Variants in SUCLG2 observed in about 807,000 individuals in gnomAD.
SUCLG2 encodes succinate-CoA ligase GDP-forming subunit beta.
In SUCLG2, 42 loss-of-function variants were observed where a neutral mutation model predicts 47.9. The observed-to-expected ratio is 0.88, with a 90% CI of 0.69 to 1.14. The LOEUF is 1.14. SUCLG2 is among the 50% of genes most tolerant of loss of function. SUCLG2 has a pLI of 0.00. For missense variants in SUCLG2, 571 were observed against 525.9 expected (o/e 1.09, Z -0.84); for synonymous variants, 195 against 197.3 (o/e 0.99, Z 0.10).
rs571116816 is a variant in SUCLG2 at position 67,570,143 on chromosome 3, G to A, written c.226+39312C>T. ...GGACACAGCAAGGAGGTAATCATCT[G>A]CAAGTCAAGAAGAAAGGCCTCAGAA... On this transcript the variant is annotated intron_variant, in intron 2 of 10. Transcript: ENST00000307227. Among the ~76,000 whole-genome samples the A allele has an allele frequency of 2.0e-5, 3 of 152,316 alleles. No homozygotes were observed. The South Asian group carries it at 6.2e-4, about 32-fold the overall frequency.
intron 9 of SUCLG2, among the ~76,000 whole-genome samples, chr3:67,426,395 C>T (rs1703302295): frequency 6.6e-6 from 1 of 152,102 alleles, no homozygotes; most frequent in East Asian, 1.9e-4. Flanking sequence ...TCTGCACAAA[C>T]AATTAAAACT....
chr3:67,559,891 G>A (rs1276700751), intron 2 of SUCLG2, among the ~76,000 whole-genome samples: 2 of 150,958 alleles, frequency 1.3e-5, no homozygotes, highest in African/African-American at 2.4e-5. Flanking sequence ...CTGATGATGT[G>A]TCAATGTAGG....
rs114263782 is a variant in SUCLG2 at position 67,383,966 on chromosome 3, T to G, written c.1184-8107A>C. Reference sequence around the variant, plus strand: ...TTACCTTTCATGCTTTCCTTGAATCTTCCTCCTAGCTTTCAAGCCATGCAT... The same window carrying G: ...TTACCTTTCATGCTTTCCTTGAATCGTCCTCCTAGCTTTCAAGCCATGCAT... On this transcript the variant is annotated intron_variant, in intron 10 of 10. Coordinates refer to ENST00000307227, the MANE Select transcript of SUCLG2 (RefSeq NM_003848.4). 5.7e-3 allele frequency among the ~76,000 whole-genome samples: 865 copies of G among 152,356 alleles called. 9 individuals are homozygous for G. The highest frequency in any genetic ancestry group is 9.1e-3 in the Non-Finnish European group (619 of 68,030).
At chr3:67,648,242 C>T (rs1345139891) in intron 1 of SUCLG2, among the ~76,000 whole-genome samples, 1 of 152,120 alleles carries the variant, frequency 6.6e-6, no homozygotes, top group Non-Finnish European at 1.5e-5. Context: ...TGAATTTGAA[C>T]CCAGACTTCG....
In SUCLG2 at chr3:67,375,851, C is replaced by T. The variant is rs755049338; in HGVS notation, c.1192G>A (p.Val398Ile). The stretch of plus-strand genomic sequence containing the variant: ...TTGAGTATCTTCTGGGCCTCTTGGA[C>T]GTTGGTTCCTAGAAGGGGGACAGGG... ...PLVVRLEGTN[V>I]QEAQKILNNS... The change falls in exon 11 of 11, where the codon GTC (valine) becomes ATC (isoleucine). Residue 398 changes from valine to isoleucine, a missense_variant. Val to Ile is a conservative substitution (Grantham distance 29). Coordinates refer to ENST00000307227, the MANE Select transcript of SUCLG2 (RefSeq NM_003848.4). 41 of 1,613,284 alleles carry T rather than the reference C, an allele frequency of 2.5e-5. No homozygotes were observed. Among genetic ancestry groups the T allele is most frequent in the South Asian group, 1.5e-4 (14 of 90,864 alleles).
chr3:67,527,980 T>G (rs964145640), intron 4 of SUCLG2, 152 bp downstream of exon 4: 1 of 627,306 alleles, frequency 1.6e-6, no homozygotes, highest in Admixed American at 2.9e-5. Context: ...CAAGACATAC[T>G]ACTTACTAAA....
chr3:67,485,689 G>A (rs975120812), intron 9 of SUCLG2, among the ~76,000 whole-genome samples: 6 of 152,088 alleles, frequency 3.9e-5, no homozygotes, highest in South Asian at 2.1e-4. Flanking sequence ...ATGTAAATTC[G>A]TAAAGGTGAA....
chr3:67,628,385 G>A (rs1700871500), intron 1 of SUCLG2, among the ~76,000 whole-genome samples: 1 of 152,196 alleles, frequency 6.6e-6, no homozygotes, highest in African/African-American at 2.4e-5. Context: ...GCAATTGTAA[G>A]GAATATTTTG....
intron 1 of SUCLG2, among the ~76,000 whole-genome samples, chr3:67,626,733 T>C (rs1383347120): frequency 6.6e-6 from 1 of 151,704 alleles, no homozygotes; most frequent in African/African-American, 2.4e-5. Flanking sequence ...GCTAACACGG[T>C]GAAACCCCAT....
intron 9 of SUCLG2, among the ~76,000 whole-genome samples, chr3:67,464,102 C>T (rs1469202414): frequency 2.6e-5 from 4 of 152,194 alleles, no homozygotes; most frequent in African/African-American, 9.7e-5. Context: ...AGACCTGGCC[C>T]AAGCCCATTC....
intron 2 of SUCLG2, among the ~76,000 whole-genome samples, chr3:67,568,795 G>A (rs1469982622): frequency 1.3e-5 from 2 of 152,176 alleles, no homozygotes; most frequent in Non-Finnish European, 2.9e-5. Flanking sequence ...GCTGAGGCAG[G>A]AGAATGGCGT....
In SUCLG2 at chr3:67,641,966, T is replaced by G. The variant is rs901525735; in HGVS notation, c.84+12537A>C. Among the ~76,000 whole-genome samples, 5 of 152,314 alleles carry G rather than the reference T, an allele frequency of 3.3e-5. No individual in the cohort carries two copies. In the South Asian group the frequency reaches 1.0e-3, roughly 32 times the overall value. Reference sequence around the variant, plus strand: ...ACATGGCTTTCTCCCTGGGCGTGTGTGCCCGAGTATAAATTTTCTCTTTTT... The same window carrying G: ...ACATGGCTTTCTCCCTGGGCGTGTGGGCCCGAGTATAAATTTTCTCTTTTT... On this transcript the variant is annotated intron_variant, in intron 1 of 10. Transcript: ENST00000307227.
At chr3:67,408,560 G>A in intron 9 of SUCLG2, 1 of 935,854 alleles carries the variant, frequency 1.1e-6, no homozygotes, top group Non-Finnish European at 1.3e-6. Flanking sequence ...GGAGAGTCAA[G>A]TTTCCATTCA....
chr3:67,616,443 G>T (rs9681630), intron 1 of SUCLG2, among the ~76,000 whole-genome samples: 1,848 of 152,248 alleles, frequency 0.012, 46 homozygotes, highest in African/African-American at 0.041. Context: ...ACAGATACAT[G>T]CATAAGTAAA....
intron 10 of SUCLG2, among the ~76,000 whole-genome samples, chr3:67,398,701 G>T (rs1185493425): frequency 6.6e-6 from 1 of 152,096 alleles, no homozygotes; most frequent in African/African-American, 2.4e-5. Flanking sequence ...AAATCATGCT[G>T]CTATAAGGAC....
chr3:67,434,072 T>C (rs1254517920), intron 9 of SUCLG2, among the ~76,000 whole-genome samples: 3 of 152,218 alleles, frequency 2.0e-5, no homozygotes, highest in Non-Finnish European at 4.4e-5. Context: ...GTACTGATCT[T>C]GCAACCCCAA....
chr3:67,437,368 C>T lies in SUCLG2; in HGVS notation c.1063-36517G>A, dbSNP rs556856812. 4.6e-5 allele frequency among the ~76,000 whole-genome samples: 7 copies of T among 152,224 alleles called. No homozygotes were observed. In the South Asian group the frequency reaches 1.2e-3, roughly 27 times the overall value. ...CAATCCTGTGTTAAACATCTTCTGG[C>T]ATCAAAAATGCTGGTATTATTTTCT... On this transcript the variant is annotated intron_variant, in intron 9 of 10. Transcript: ENST00000307227.
At chr3:67,364,115 C>G (rs9811979) in intron 10 of SUCLG2, among the ~76,000 whole-genome samples, 37,002 of 152,028 alleles carry the variant, frequency 0.24, 4,596 homozygotes, top group Non-Finnish European at 0.27. Flanking sequence ...AGTGGGACAC[C>G]ACAGAAGCAA....
chr3:67,562,739 C>T (rs775140564), intron 2 of SUCLG2, among the ~76,000 whole-genome samples: 3 of 152,170 alleles, frequency 2.0e-5, no homozygotes, highest in Non-Finnish European at 4.4e-5. Context: ...CATAATGACA[C>T]TGAAGAATTT....
Sources: allele counts gnomAD v4.1 joint callset (sites outside exome capture counted in the v4.1 genomes callset), GRCh38; gene constraint gnomAD v4.1.1; transcripts MANE v1.5; gene names NCBI Gene and HGNC (gene_info 2026-07-23, HGNC 2026-07-21).